Variants in DGKB observed in about 807,000 individuals in gnomAD.
The protein encoded by DGKB is diacylglycerol kinase beta.
A neutral mutation model predicts 114.3 loss-of-function variants in DGKB; 67 were observed. The ratio of observed to expected loss-of-function variants is 0.59; its 90% CI spans 0.48 to 0.72. DGKB has a LOEUF of 0.72. Ranked by LOEUF, DGKB falls within the 30% of genes least tolerant of loss-of-function variation. The pLI, the probability that DGKB is intolerant of heterozygous loss-of-function variation, is 0.00. For synonymous variants in DGKB, 398 were observed against 323.1 expected (o/e 1.23, Z -2.49); for missense variants, 907 against 975.2 (o/e 0.93, Z 0.93).
intron 23 of DGKB, among the ~76,000 whole-genome samples, chr7:14,215,312 G>C (rs1044251259): frequency 6.6e-6 from 1 of 152,060 alleles, no homozygotes; most frequent in Non-Finnish European, 1.5e-5. Flanking sequence ...AGAAAATTAA[G>C]GTTTTCGAGC....
At chr7:14,931,313 T>C (rs1027652764) in intron 1 of DGKB, among the ~76,000 whole-genome samples, 2 of 152,140 alleles carry the variant, frequency 1.3e-5, no homozygotes, top group Admixed American at 1.3e-4. Flanking sequence ...AGTTTCACCA[T>C]GTTGGCCAGG....
rs1054576952 is a variant in DGKB, at chr7:14,643,890, C to T, written c.1135-13622G>A. On this transcript the variant is annotated intron_variant, in intron 13 of 25. Coordinates refer to ENST00000402815, the MANE Select transcript of DGKB (RefSeq NM_001350709.2). ...ACCACTTCAAGCCCAAAAAACTGACCTCTCCAATAGTGGGGCTGCTGCGCA... is the reference window on the plus strand; with the variant it reads ...ACCACTTCAAGCCCAAAAAACTGACTTCTCCAATAGTGGGGCTGCTGCGCA... 1.2e-4 allele frequency among the ~76,000 whole-genome samples: 19 copies of T among 152,274 alleles called. 1 individual carries two copies. The East Asian group carries it at 3.5e-3, about 28-fold the overall frequency.
chr7:14,469,853 A>G (rs904637432), intron 21 of DGKB, among the ~76,000 whole-genome samples: 1 of 152,026 alleles, frequency 6.6e-6, no homozygotes, highest in Admixed American at 6.6e-5. Context: ...ATATGATAAA[A>G]TGAAAACTCT....
At chr7:14,967,293 TG>T (rs1288469547) in intron 1 of DGKB, among the ~76,000 whole-genome samples, 1 of 151,124 alleles carries the variant, frequency 6.6e-6, no homozygotes, top group Non-Finnish European at 1.5e-5. Flanking sequence ...AAAGAACAAG[TG>T]TTTCCTGACT....
At chr7:14,942,312 T>C (rs778882888) in intron 1 of DGKB, among the ~76,000 whole-genome samples, 21 of 152,098 alleles carry the variant, frequency 1.4e-4, no homozygotes, top group Non-Finnish European at 1.9e-4. Context: ...CATTATAATT[T>C]ACTTCTCTTT....
chr7:14,268,400 A>G (rs1014888087), intron 23 of DGKB, among the ~76,000 whole-genome samples: 2 of 152,186 alleles, frequency 1.3e-5, no homozygotes, highest in South Asian at 2.1e-4. Context: ...GAAAAACAAC[A>G]TACGTATTTT....
At chr7:14,587,536 G>T (rs1407747536) in intron 17 of DGKB, among the ~76,000 whole-genome samples, 1 of 152,134 alleles carries the variant, frequency 6.6e-6, no homozygotes, top group Non-Finnish European at 1.5e-5. Flanking sequence ...CTCAAATTCT[G>T]AGGGAAGTTC....
intron 2 of DGKB, chr7:14,814,273 G>A (rs2128087418): frequency 6.6e-6 from 1 of 152,198 alleles, no homozygotes; most frequent in East Asian, 1.9e-4. Context: ...CTGGACATTG[G>A]CTACGACCAT....
intron 6 of DGKB, among the ~76,000 whole-genome samples, chr7:14,714,792 CTGAAAT>C: frequency 6.6e-6 from 1 of 152,116 alleles, no homozygotes; most frequent in African/African-American, 2.4e-5. Flanking sequence ...AGTTGAATGT[CTGAAAT>C]TAAGTGTGAA....
At chr7:14,296,564 C>T (rs756732275) in intron 23 of DGKB, among the ~76,000 whole-genome samples, 4 of 151,780 alleles carry the variant, frequency 2.6e-5, no homozygotes, top group Non-Finnish European at 4.4e-5. Flanking sequence ...GCTCTAGATC[C>T]CTGAGGAATT....
chr7:14,684,682 G>A (rs1390250662), intron 10 of DGKB, among the ~76,000 whole-genome samples: 4 of 152,098 alleles, frequency 2.6e-5, no homozygotes, highest in South Asian at 2.1e-4. Flanking sequence ...AATCATCAAT[G>A]CTCTGCATTC....
intron 15 of DGKB, among the ~76,000 whole-genome samples, chr7:14,620,559 A>G (rs10277363): frequency 0.027 from 4,139 of 151,860 alleles, 176 homozygotes; most frequent in African/African-American, 0.095. Context: ...AATTGTTGGT[A>G]AATATTCCCA....
chr7:14,189,123 A>G lies in DGKB; in HGVS notation c.2123-10972T>C, dbSNP rs538928789. Reference sequence around the variant, plus strand: ...AACTCACCGTAGAGTAAGTTAATTAATCAAATTCCTAATATTTCCAGTGAT... The same window carrying G: ...AACTCACCGTAGAGTAAGTTAATTAGTCAAATTCCTAATATTTCCAGTGAT... On this transcript the variant is annotated intron_variant, in intron 23 of 25. Transcript: ENST00000402815. 2.0e-5 allele frequency among the ~76,000 whole-genome samples: 3 copies of G among 152,354 alleles called. No individual in the cohort carries two copies. In the East Asian group the frequency reaches 5.8e-4, roughly 29 times the overall value.
intron 21 of DGKB, among the ~76,000 whole-genome samples, chr7:14,400,015 A>G (rs1822848665): frequency 1.3e-5 from 2 of 151,910 alleles, no homozygotes; most frequent in South Asian, 4.1e-4. Flanking sequence ...AAGAAGTTCT[A>G]AAGTATTTAA....
At chr7:14,292,582 G>A (rs1056624596) in intron 23 of DGKB, among the ~76,000 whole-genome samples, 1 of 152,118 alleles carries the variant, frequency 6.6e-6, no homozygotes, top group East Asian at 1.9e-4. Flanking sequence ...ATACCATTCC[G>A]TCTTTGGGAG....
chr7:14,953,768 T>C (rs1308959931), intron 1 of DGKB, among the ~76,000 whole-genome samples: 1 of 152,136 alleles, frequency 6.6e-6, no homozygotes, highest in Non-Finnish European at 1.5e-5. Context: ...ACATTATTCA[T>C]ACTAAACAAG....
At chr7:14,456,886 C>T (rs1832361507) in intron 21 of DGKB, among the ~76,000 whole-genome samples, 1 of 152,042 alleles carries the variant, frequency 6.6e-6, no homozygotes, top group African/African-American at 2.4e-5. Context: ...CAGTTTGTCA[C>T]TTGCTTAAAT....
At chr7:14,201,371 A>G (rs996276483) in intron 23 of DGKB, among the ~76,000 whole-genome samples, 1 of 152,026 alleles carries the variant, frequency 6.6e-6, no homozygotes, top group South Asian at 2.1e-4. Flanking sequence ...ACCATTGCAG[A>G]TGGATTCAAA....
chr7:14,165,613 T>C (rs930349658), intron 25 of DGKB, among the ~76,000 whole-genome samples: 3 of 152,184 alleles, frequency 2.0e-5, no homozygotes, highest in African/African-American at 4.8e-5. Flanking sequence ...TATAAGCACA[T>C]AGACTATGGG....
Sources: gnomAD v4.1 joint callset for allele counts (sites outside exome capture counted in the v4.1 genomes callset) on GRCh38, gnomAD v4.1.1 for gene constraint, MANE v1.5 for transcripts, NCBI Gene and HGNC (gene_info 2026-07-23, HGNC 2026-07-21) for gene names.